ABI3BP: variants seen among roughly 807,000 people sequenced by gnomAD.
ABI3BP encodes the protein target of Nesh-SH3.
A neutral mutation model predicts 268.6 loss-of-function variants in ABI3BP; 216 were observed. The observed-to-expected ratio is 0.80, with a 90% confidence interval of 0.72 to 0.90. ABI3BP has a LOEUF of 0.90. Among genes scored for constraint, ABI3BP ranks in the 40% least tolerant of loss-of-function variants. ABI3BP has a pLI of 0.00. For missense variants in ABI3BP, 2,090 were observed against 2,182.4 expected (o/e 0.96, Z 0.84); for synonymous variants, 730 against 730.0 (o/e 1.00, Z 0.00).
intron 2 of ABI3BP, among the ~76,000 whole-genome samples, chr3:100,913,035 C>A (rs1583162901): frequency 6.6e-6 from 1 of 152,086 alleles, no homozygotes; most frequent in Admixed American, 6.5e-5. Context: ...CTGTGGGGAG[C>A]TGGAATGTAA....
intron 9 of ABI3BP, among the ~76,000 whole-genome samples, chr3:100,869,307 A>G (rs2099084431): frequency 1.2e-5 from 1 of 82,978 alleles, no homozygotes; most frequent in South Asian, 4.2e-4. Flanking sequence ...TTACAGGCAT[A>G]TTGTTTTTTC....
At chr3:100,879,978 T>C (rs1023299422) in intron 6 of ABI3BP, among the ~76,000 whole-genome samples, 2 of 152,216 alleles carry the variant, frequency 1.3e-5, no homozygotes, top group African/African-American at 4.8e-5. Flanking sequence ...AAAAGTTTGT[T>C]AACCAGACTC....
In ABI3BP at chr3:100,987,685, T is replaced by C. The variant is rs572560146; in HGVS notation, c.79+5621A>G. 4.6e-5 allele frequency among the ~76,000 whole-genome samples: 7 copies of C among 152,194 alleles called. No homozygotes were observed. The South Asian group carries it at 1.2e-3, about 27-fold the overall frequency. On this transcript the variant is annotated intron_variant, in intron 1 of 67. Coordinates refer to ENST00000471714, the MANE Select transcript of ABI3BP (RefSeq NM_001375547.2). ...TTATTAACAGTCAATTAAAGATTAT[T>C]GTGGAAAATTTTTATGCAGCAATAG...
chr3:100,886,280 A>G lies in ABI3BP; in HGVS notation c.505T>C (p.Trp169Arg), dbSNP rs1037287144. ...RYREKDKEKK[W>R]IFQICPATET... is the part of the protein sequence containing the mutation. ...GTGGCTGGACAGATTTGAAAAATCCACTTCTTTTCTTTATCCTTTTCTCGA... is the reference window on the plus strand; with the variant it reads ...GTGGCTGGACAGATTTGAAAAATCCGCTTCTTTTCTTTATCCTTTTCTCGA... The change falls in exon 5 of 68, where the codon TGG (tryptophan) becomes CGG (arginine). Residue 169 changes from tryptophan to arginine, a missense_variant. Coordinates refer to ENST00000471714, the MANE Select transcript of ABI3BP (RefSeq NM_001375547.2). The G allele has an allele frequency of 1.9e-6, 3 of 1,608,616 alleles. No homozygotes were observed. Among genetic ancestry groups the G allele is most frequent in the Non-Finnish European group, 2.5e-6 (3 of 1,177,132 alleles).
In ABI3BP at chr3:100,830,102, CATACATACATATATATATATATAT is replaced by C. The variant is rs1279247027; in HGVS notation, c.2458+452_2459-439del. 5.4e-3 allele frequency among the ~76,000 whole-genome samples: 303 copies of C among 56,206 alleles called. 2 individuals carry two copies. The highest frequency in any genetic ancestry group is 0.024 in the African/African-American group (292 of 12,054). 36.9% of individuals were successfully genotyped at this position (56,206 alleles called of 152,430 possible). The stretch of plus-strand genomic sequence containing the variant: ...ATGGCTATATACATATACATACATA[CATACATACATATATATATATATAT>C]ATATATATATATATATATATATATA... On this transcript the variant is annotated intron_variant, in intron 32 of 67. Transcript: ENST00000471714.
Position 100,750,482 on chromosome 3 carries a change from C to A in ABI3BP, c.*13G>T, listed in dbSNP as rs1474588249. 1 of 1,588,572 alleles carries A rather than the reference C, an allele frequency of 6.3e-7. No homozygotes were observed. The highest frequency in any genetic ancestry group is 1.3e-5 in the African/African-American group (1 of 74,308). The stretch of plus-strand genomic sequence containing the variant: ...TTTGCAATGATGAAACAGAAGGTAA[C>A]TTTGTGCAGCATCTACCATTTTCCA... On this transcript the variant is annotated 3_prime_UTR_variant, in exon 68 of 68. Coordinates refer to ENST00000471714, the MANE Select transcript of ABI3BP (RefSeq NM_001375547.2).
intron 1 of ABI3BP, among the ~76,000 whole-genome samples, chr3:100,975,255 C>T (rs959113684): frequency 6.6e-6 from 1 of 152,002 alleles, no homozygotes; most frequent in Non-Finnish European, 1.5e-5. Context: ...TTAGAAGATG[C>T]TTCCTTGTAT....
chr3:100,854,337 C>T (rs982533601), intron 14 of ABI3BP, among the ~76,000 whole-genome samples: 5 of 152,018 alleles, frequency 3.3e-5, no homozygotes, highest in African/African-American at 4.8e-5. Flanking sequence ...CTAGCCTGCA[C>T]GACAGCAACT....
At chr3:100,789,561 G>T in intron 55 of ABI3BP, 45 bp from the exon 56 acceptor site, 1 of 1,543,946 alleles carries the variant, frequency 6.5e-7, no homozygotes, top group African/African-American at 1.4e-5. Flanking sequence ...ACAGACCAAA[G>T]CCTCCTGAAT....
At chr3:100,856,684 A>C (rs2098943743) in intron 14 of ABI3BP, among the ~76,000 whole-genome samples, 1 of 152,278 alleles carries the variant, frequency 6.6e-6, no homozygotes, top group African/African-American at 2.4e-5. Context: ...GTACTCAATG[A>C]TGGTCTTTTA....
At chr3:100,871,268 A>T (rs1313952052) in intron 9 of ABI3BP, among the ~76,000 whole-genome samples, 1 of 152,198 alleles carries the variant, frequency 6.6e-6, no homozygotes, top group Non-Finnish European at 1.5e-5. Flanking sequence ...TATAAAAAAA[A>T]CTTCATCTTG....
intron 39 of ABI3BP, among the ~76,000 whole-genome samples, 152 bp from the exon 40 acceptor site, chr3:100,820,455 A>ATTGTAATAGTATGTCTCCTT (rs1553912599): frequency 2.0e-5 from 3 of 152,160 alleles, no homozygotes; most frequent in Non-Finnish European, 2.9e-5. Context: ...AACATTCACT[A>ATTGTAATAGTATGTCTCCTT]TTACAATTGA....
At chr3:100,931,043 A>G (rs969550825) in intron 1 of ABI3BP, 6 of 152,154 alleles carry the variant, frequency 3.9e-5, no homozygotes, top group Non-Finnish European at 8.8e-5. Flanking sequence ...TAACATATGC[A>G]AATTAATAAA....
At chr3:100,930,411 G>A (rs1428838331) in intron 1 of ABI3BP, among the ~76,000 whole-genome samples, 2 of 151,900 alleles carry the variant, frequency 1.3e-5, no homozygotes, top group African/African-American at 4.8e-5. Flanking sequence ...TACGATGGTG[G>A]TTTCTAATCC....
chr3:100,889,297 T>C (rs2043384339), intron 4 of ABI3BP, among the ~76,000 whole-genome samples: 1 of 152,130 alleles, frequency 6.6e-6, no homozygotes, highest in Non-Finnish European at 1.5e-5. Context: ...TGATAATCAG[T>C]GACAGACCCA....
In ABI3BP at chr3:100,983,407, A is replaced by G. The variant is rs544378890; in HGVS notation, c.79+9899T>C. Among the ~76,000 whole-genome samples the G allele has an allele frequency of 3.9e-5, 6 of 152,358 alleles. No individual in the cohort carries two copies. The South Asian group carries it at 6.2e-4, about 16-fold the overall frequency. On this transcript the variant is annotated intron_variant, in intron 1 of 67. Coordinates refer to ENST00000471714, the MANE Select transcript of ABI3BP (RefSeq NM_001375547.2). Reference sequence around the variant, plus strand: ...TAATTTATATAACCCGTACTTTCTGAGTATGGAAATCCATTGCATATTTAC... The same window carrying G: ...TAATTTATATAACCCGTACTTTCTGGGTATGGAAATCCATTGCATATTTAC...
At chr3:100,822,521 G>C in intron 38 of ABI3BP, 68 bp downstream of exon 38, 1 of 1,411,262 alleles carries the variant, frequency 7.1e-7, no homozygotes, top group Non-Finnish European at 9.7e-7. Context: ...CCCAACCACT[G>C]GGATTACTCT....
chr3:100,912,153 A>G, intron 2 of ABI3BP: 1 of 460,030 alleles, frequency 2.2e-6, no homozygotes, highest in Admixed American at 3.6e-5. Flanking sequence ...CACAAAGCCC[A>G]AGAACACCTG....
intron 9 of ABI3BP, among the ~76,000 whole-genome samples, chr3:100,874,176 C>T (rs544371432): frequency 6.1e-5 from 9 of 148,282 alleles, no homozygotes; most frequent in South Asian, 4.6e-4. Context: ...ATCAGTAATT[C>T]GGGAGGTGGG....
Sources: gnomAD v4.1 joint callset for allele counts (sites outside exome capture counted in the v4.1 genomes callset) on GRCh38, gnomAD v4.1.1 for gene constraint, MANE v1.5 for transcripts, NCBI Gene and HGNC (gene_info 2026-07-23, HGNC 2026-07-21) for gene names.